The following TBC1D1 variants were observed in gnomAD, a reference collection of about 807,000 sequenced individuals.
TBC1D1 encodes TBC1 (tre-2/USP6, BUB2, cdc16) domain family, member 1.
In TBC1D1, 89 loss-of-function variants were observed where a neutral mutation model predicts 125.6. The ratio of observed to expected loss-of-function variants is 0.71; its 90% confidence interval spans 0.60 to 0.85. The LOEUF is 0.85. Ranked by LOEUF, TBC1D1 falls within the 40% of genes least tolerant of loss-of-function variation. TBC1D1 has a pLI of 0.00. For missense variants in TBC1D1, 1,377 were observed against 1,469.2 expected (o/e 0.94, Z 1.03); for synonymous variants, 565 against 564.1 (o/e 1.00, Z -0.02).
chr4:37,956,661 G>A (rs1728991347), intron 2 of TBC1D1, among the ~76,000 whole-genome samples: 1 of 152,124 alleles, frequency 6.6e-6, no homozygotes, highest in Non-Finnish European at 1.5e-5. Context: ...GAAAAGTGGA[G>A]TGTAGCCGGG....
At chr4:38,040,495 G>C (rs1299275826) in intron 8 of TBC1D1, among the ~76,000 whole-genome samples, 1 of 152,156 alleles carries the variant, frequency 6.6e-6, no homozygotes, top group Non-Finnish European at 1.5e-5. Flanking sequence ...CACTGTGTTG[G>C]ATGGGATGTT....
intron 2 of TBC1D1, among the ~76,000 whole-genome samples, chr4:37,941,389 T>C (rs2152305097): frequency 6.6e-6 from 1 of 152,324 alleles, no homozygotes; most frequent in Non-Finnish European, 1.5e-5. Flanking sequence ...TCATTTTTTA[T>C]TGCATCTATT....
chr4:37,958,911 C>A (rs1278356126), intron 2 of TBC1D1, among the ~76,000 whole-genome samples: 2 of 152,182 alleles, frequency 1.3e-5, no homozygotes, highest in African/African-American at 4.8e-5. Context: ...TCTCCCCGTT[C>A]CCCATTGTCT....
At chr4:38,073,810 C>A (rs1755113495) in intron 12 of TBC1D1, among the ~76,000 whole-genome samples, 1 of 152,152 alleles carries the variant, frequency 6.6e-6, no homozygotes, top group South Asian at 2.1e-4. Context: ...CGGTCCATTC[C>A]TAATAGGGGT....
At chr4:37,999,226 T>G (rs999300158) in intron 2 of TBC1D1, among the ~76,000 whole-genome samples, 1 of 152,146 alleles carries the variant, frequency 6.6e-6, no homozygotes, top group African/African-American at 2.4e-5. Context: ...CACTCCAGCC[T>G]GGGTGAGTGA....
intron 2 of TBC1D1, among the ~76,000 whole-genome samples, chr4:37,985,045 C>T (rs1333243149): frequency 6.6e-6 from 1 of 151,738 alleles, no homozygotes; most frequent in East Asian, 2.0e-4. Flanking sequence ...CTCTGCCTGC[C>T]GGGTTCAAGC....
chr4:38,071,573 C>T (rs966808817), intron 12 of TBC1D1, among the ~76,000 whole-genome samples: 16 of 152,160 alleles, frequency 1.1e-4, no homozygotes, highest in African/African-American at 3.9e-4. Context: ...CAGCCCACTG[C>T]CACAGCTACT....
intron 2 of TBC1D1, among the ~76,000 whole-genome samples, chr4:37,926,156 A>G (rs1395345440): frequency 6.6e-6 from 1 of 152,240 alleles, no homozygotes; most frequent in African/African-American, 2.4e-5. Context: ...TGGAGAAAGT[A>G]TACAGGAAGA....
intron 12 of TBC1D1, among the ~76,000 whole-genome samples, chr4:38,079,198 G>A (rs2152522251): frequency 6.6e-6 from 1 of 152,226 alleles, no homozygotes; most frequent in African/African-American, 2.4e-5. Flanking sequence ...GCTTTTAGTA[G>A]TATATTTTTC....
intron 2 of TBC1D1, among the ~76,000 whole-genome samples, chr4:37,966,640 T>A (rs1399116555): frequency 2.0e-5 from 3 of 152,244 alleles, no homozygotes; most frequent in Non-Finnish European, 2.9e-5. Context: ...TATCTTTTTT[T>A]AATTATTATA....
intron 8 of TBC1D1, among the ~76,000 whole-genome samples, chr4:38,037,559 T>A (rs1747461358): frequency 6.6e-6 from 1 of 152,178 alleles, no homozygotes; most frequent in Non-Finnish European, 1.5e-5. Flanking sequence ...ATCCTTTTCA[T>A]GTTTTCTGCT....
At chr4:38,050,094 A>G (rs780401140) in intron 11 of TBC1D1, among the ~76,000 whole-genome samples, 196 bp downstream of exon 11, 2 of 152,200 alleles carry the variant, frequency 1.3e-5, no homozygotes, top group Non-Finnish European at 2.9e-5. Context: ...TTGTATTGTC[A>G]GGAAGCAAGT....
intron 15 of TBC1D1, among the ~76,000 whole-genome samples, chr4:38,105,098 CT>C (rs1052191421): frequency 1.3e-5 from 2 of 152,132 alleles, no homozygotes; most frequent in Non-Finnish European, 2.9e-5. Context: ...CTCTGAGAAA[CT>C]TTCCCTGACT....
intron 10 of TBC1D1, among the ~76,000 whole-genome samples, chr4:38,046,533 G>A (rs1391303199): frequency 6.6e-6 from 1 of 151,972 alleles, no homozygotes; most frequent in African/African-American, 2.4e-5. Flanking sequence ...TTTATTACAT[G>A]GGTATATTGC....
intron 2 of TBC1D1, among the ~76,000 whole-genome samples, chr4:38,004,187 C>G (rs1039818985): frequency 5.3e-5 from 8 of 152,204 alleles, no homozygotes; most frequent in Admixed American, 3.3e-4. Flanking sequence ...CTGACTTTCT[C>G]CTGATAGTTG....
chr4:38,001,118 G>A (rs1169536905), intron 2 of TBC1D1, among the ~76,000 whole-genome samples: 1 of 152,080 alleles, frequency 6.6e-6, no homozygotes, highest in East Asian at 1.9e-4. Context: ...TAATCGGGAG[G>A]CTGAGGCAGG....
intron 13 of TBC1D1, 147 bp from the exon 16 acceptor site, chr4:38,095,782 G>A (rs1013149662): frequency 5.4e-6 from 4 of 742,506 alleles, no homozygotes; most frequent in East Asian, 5.3e-5. Context: ...ATGGGTAGAG[G>A]CATGGACAGT....
intron 17 of TBC1D1, among the ~76,000 whole-genome samples, chr4:38,124,390 C>G (rs1213039439): frequency 3.3e-5 from 5 of 152,170 alleles, no homozygotes; most frequent in Admixed American, 3.3e-4. Context: ...TAGGAAGTAA[C>G]CTTGACAGAG....
chr4:38,052,729 C>CGCACAG (rs1553926698), intron 11 of TBC1D1, among the ~76,000 whole-genome samples: 1 of 28,228 alleles, frequency 3.5e-5, no homozygotes, highest in Non-Finnish European at 7.3e-5. Flanking sequence ...CGCGCGCGCG[C>CGCACAG]ACACACACAC....
Sources: allele counts gnomAD v4.1 joint callset (sites outside exome capture counted in the v4.1 genomes callset), GRCh38; gene constraint gnomAD v4.1.1; transcripts MANE v1.5; gene names NCBI Gene and HGNC (gene_info 2026-07-23, HGNC 2026-07-21).